The following MTR variants were observed in gnomAD, a reference collection of about 807,000 sequenced individuals.
The protein encoded by MTR is methionine synthase.
Under a neutral mutation model 154.8 loss-of-function variants are expected in MTR, and 84 were observed. The ratio of observed to expected loss-of-function variants is 0.54; its 90% CI spans 0.45 to 0.65. The LOEUF is 0.65. MTR is among the 30% of genes least tolerant of loss of function. The pLI, the probability that MTR is intolerant of heterozygous loss-of-function variation, is 0.00. For missense variants in MTR, 1,275 were observed against 1,570.2 expected, an observed-to-expected ratio of 0.81 and a Z score of 3.18; for synonymous variants, 554 against 553.9, an observed-to-expected ratio of 1.00 and a Z score of 0.00.
At chr1:236,859,711 A>G in intron 18 of MTR, 122 bp from the exon 19 acceptor site, 2 of 752,450 alleles carry the variant, frequency 2.7e-6, no homozygotes, top group Non-Finnish European at 4.7e-6. Context: ...ACAGTCTACT[A>G]GGGGCTGGAA....
Position 236,862,293 on chromosome 1 carries a change from GA to G in MTR, c.2259del (p.Glu754LysfsTer12). 1.2e-6 allele frequency: 2 copies of G among 1,613,978 alleles called. No individual in the cohort carries two copies. The highest frequency in any genetic ancestry group is 1.7e-6 in the Non-Finnish European group (2 of 1,179,902). On this transcript the variant is annotated frameshift_variant, in exon 21 of 33. Transcript: ENST00000366577. LOFTEE classifies it high-confidence loss of function. Reference protein sequence around the residue: ...KAVGHLIPFMEKEREETRVLN... With the variant: ...KAVGHLIPFMXKEREETRVLN... ...TGTTGGCCACCTTATCCCTTTCATGGAAAAAGAAAGAGAAGAAACCAGAGTG... is the reference window on the plus strand; with the variant it reads ...TGTTGGCCACCTTATCCCTTTCATGGAAAAGAAAGAGAAGAAACCAGAGTG...
chr1:236,804,507 AT>A (rs1476644458), intron 2 of MTR, among the ~76,000 whole-genome samples: 1 of 152,158 alleles, frequency 6.6e-6, no homozygotes, highest in Non-Finnish European at 1.5e-5. Context: ...TATAATTTGC[AT>A]TTTTTACTTA....
chr1:236,857,231 A>G (rs1368798017), intron 18 of MTR, among the ~76,000 whole-genome samples: 2 of 152,072 alleles, frequency 1.3e-5, no homozygotes, highest in East Asian at 3.9e-4. Context: ...AACTGGCGTG[A>G]TATGGTATCT....
rs776216297 is a variant in MTR, at chr1:236,853,075, T to TA, written c.1941dup (p.Arg648ThrfsTer17). The TA allele has an allele frequency of 8.7e-6, 14 of 1,614,056 alleles. No individual in the cohort carries two copies. Among genetic ancestry groups the TA allele is most frequent in the East Asian group, 2.2e-5 (1 of 44,880 alleles). On this transcript the variant is annotated frameshift_variant, in exon 18 of 33. Transcript: ENST00000366577. LOFTEE classifies it high-confidence loss of function. ...GACCCTGAGGCCACTGAGAAGCTCT[T>TA]ACGTTATGCCCAGGTAGAGAGACAA... is the stretch of plus-strand genomic sequence containing the variant.
At chr1:236,823,972 T>C in intron 8 of MTR, 147 bp from the exon 9 acceptor site, 1 of 704,516 alleles carries the variant, frequency 1.4e-6, no homozygotes, top group Non-Finnish European at 2.5e-6. Context: ...CTCAGTGAGA[T>C]GGCTTTGATG....
chr1:236,845,852 A>G (rs918358236), intron 15 of MTR, among the ~76,000 whole-genome samples: 16 of 152,056 alleles, frequency 1.1e-4, no homozygotes, highest in South Asian at 4.2e-4. Context: ...TTTTCTGTTG[A>G]TTGAGTTCTC....
intron 1 of MTR, among the ~76,000 whole-genome samples, chr1:236,801,467 T>A (rs919009298): frequency 6.6e-6 from 1 of 152,236 alleles, no homozygotes; most frequent in Non-Finnish European, 1.5e-5. Flanking sequence ...CCAGTTCTCA[T>A]ATTGTATACT....
At chr1:236,862,041 C>T (rs1314865447) in intron 20 of MTR, among the ~76,000 whole-genome samples, 195 bp from the exon 21 acceptor site, 1 of 152,234 alleles carries the variant, frequency 6.6e-6, no homozygotes, top group African/African-American at 2.4e-5. Context: ...TGTTTTCCTT[C>T]TGCTGTACCT....
Position 236,808,791 on chromosome 1 carries a change from C to T in MTR, c.409+18C>T. On this transcript the variant is annotated intron_variant, in intron 4 of 32. Coordinates refer to ENST00000366577, the MANE Select transcript of MTR (RefSeq NM_000254.3). ...CCAGACAGGTAGGGAATGTTCTTCT[C>T]TTTTTTTGCACACGTGGTTCCTTTG... 3 of 1,611,904 alleles carry T rather than the reference C, an allele frequency of 1.9e-6. No homozygotes were observed. The highest frequency in any genetic ancestry group is 1.7e-6 in the Non-Finnish European group (2 of 1,177,974).
chr1:236,803,576 G>A lies in MTR; in HGVS notation c.183G>A (p.Arg61=). 3.7e-6 allele frequency: 6 copies of A among 1,614,126 alleles called. No homozygotes were observed. The highest frequency in any genetic ancestry group is 5.1e-6 in the Non-Finnish European group (6 of 1,180,010). ...GTCAGGAATTTAAAGATCATGCCAG[G>A]CCGCTGAAAGGCAACAATGACATTT... ...FRGQEFKDHA[R]PLKGNNDILS... The change falls in exon 2 of 33, where the codon AGG becomes AGA. Residue 61 remains arginine (R), a synonymous_variant. Transcript: ENST00000366577.
chr1:236,895,372 G>A lies in MTR; in HGVS notation c.3420G>A (p.Glu1140=), dbSNP rs1015955794. The change falls in exon 31 of 33, where the codon GAG becomes GAA. Residue 1140 remains glutamate (E), a synonymous_variant. Transcript: ENST00000366577. The part of the protein sequence containing the change: ...GDRLAEAFAE[E]LHERVRRELW... ...TGGGTCCCAAGGCCTTTGCAGAAGA[G>A]CTCCATGAAAGAGTTCGCCGAGAAC... The A allele has an allele frequency of 3.8e-6, 6 of 1,599,546 alleles. No homozygotes were observed. The highest frequency in any genetic ancestry group is 4.5e-5 in the East Asian group (2 of 44,554).
At chr1:236,851,357 GC>G (rs1234908890) in intron 16 of MTR, among the ~76,000 whole-genome samples, 1 of 152,104 alleles carries the variant, frequency 6.6e-6, no homozygotes, top group African/African-American at 2.4e-5. Context: ...TTTTAAAATG[GC>G]CCCATACTAG....
At chr1:236,880,598 G>A (rs939049251) in intron 24 of MTR, among the ~76,000 whole-genome samples, 157 bp from the exon 25 acceptor site, 3 of 152,188 alleles carry the variant, frequency 2.0e-5, no homozygotes, top group Admixed American at 6.5e-5. Context: ...CATGTTTTAC[G>A]AGGGAAATTT....
chr1:236,888,989 T>C (rs755291104), intron 27 of MTR, among the ~76,000 whole-genome samples, 192 bp from the exon 28 acceptor site: 2 of 152,198 alleles, frequency 1.3e-5, no homozygotes, highest in Non-Finnish European at 2.9e-5. Context: ...AGAATAGTTT[T>C]ATTTAAGACT....
intron 8 of MTR, among the ~76,000 whole-genome samples, chr1:236,817,956 A>G (rs1558283392): frequency 1.3e-5 from 2 of 152,162 alleles, no homozygotes; most frequent in African/African-American, 2.4e-5. Flanking sequence ...CTTGGCACAT[A>G]GTAGGGATGT....
intron 4 of MTR, among the ~76,000 whole-genome samples, chr1:236,809,550 A>G (rs935659005): frequency 1.3e-5 from 2 of 152,244 alleles, no homozygotes; most frequent in African/African-American, 4.8e-5. Context: ...GTTTAAATTC[A>G]TGGAAATGCA....
At position 236,903,739 on chromosome 1, in the gene MTR, A is replaced by G. The variant is rs1667020049; in HGVS notation, c.*6095A>G. ...TGAACTTGCAGCAGGTGAGGAAGGA[A>G]CTCTGAACTCTCACAATCTTGTTTC... On this transcript the variant is annotated 3_prime_UTR_variant, in exon 33 of 33. Coordinates refer to ENST00000366577, the MANE Select transcript of MTR (RefSeq NM_000254.3). The G allele has an allele frequency of 1.3e-5, 2 of 152,102 alleles. No homozygotes were observed. The highest frequency in any genetic ancestry group is 1.3e-4 in the Admixed American group (2 of 15,260). 9.4% of individuals were successfully genotyped at this position (152,102 alleles called of 1,614,324 possible). A position where few individuals can be genotyped will look rare whatever the true frequency, so the allele number is the denominator to read the frequency against.
At chr1:236,852,453 C>T in intron 16 of MTR, 68 bp from the exon 17 acceptor site, 1 of 1,137,534 alleles carries the variant, frequency 8.8e-7, no homozygotes, top group Non-Finnish European at 1.3e-6. Context: ...CTATATAAAG[C>T]TTAAGAGATG....
chr1:236,824,370 T>G (rs1208294166), intron 9 of MTR, 151 bp downstream of exon 9: 1 of 760,504 alleles, frequency 1.3e-6, no homozygotes. Context: ...GTGCAGTGTT[T>G]CCCTGTAGAC....
Sources: gnomAD v4.1 joint callset for allele counts (sites outside exome capture counted in the v4.1 genomes callset) on GRCh38, gnomAD v4.1.1 for gene constraint, MANE v1.5 for transcripts, NCBI Gene and HGNC (gene_info 2026-07-23, HGNC 2026-07-21) for gene names.